CEP192: variants seen among roughly 807,000 people sequenced by gnomAD.
CEP192 encodes the protein centrosomal protein 192, also known as centrosomal protein of 192 kDa.
A neutral mutation model predicts 271.8 loss-of-function variants in CEP192; 151 were observed. That is an observed-to-expected ratio of 0.56 (90% CI 0.49 to 0.64). The LOEUF is 0.64. Among genes scored for constraint, CEP192 ranks in the 30% least tolerant of loss-of-function variants. The probability of loss-of-function intolerance (pLI) is 0.00; values close to 1 mark genes in which losing one functional copy is unlikely to be tolerated. For synonymous variants in CEP192, 995 were observed against 1,076.5 expected, an observed-to-expected ratio of 0.92 and a Z score of 1.48; for missense variants, 2,910 against 3,020.5, an observed-to-expected ratio of 0.96 and a Z score of 0.86.
rs1217428302 is a variant in CEP192 at position 13,056,268 on chromosome 18, T to C, written c.3678T>C (p.Thr1226=). ...AGACCACCTCTGAAAACCAGTGTAC[T>C]CCTATTCCCAGCAGCACAGTTCACA... ...SHQTTSENQC[T]PIPSSTVHSS... The change falls in exon 19 of 45, where the codon ACT becomes ACC. Residue 1226 remains threonine (T), a synonymous_variant. Transcript: ENST00000506447. The C allele has an allele frequency of 6.2e-7, 1 of 1,613,904 alleles. No homozygotes were observed. Among genetic ancestry groups the C allele is most frequent in the Non-Finnish European group, 8.5e-7 (1 of 1,179,838 alleles).
At chr18:13,092,608 T>C (rs1289866254) in intron 34 of CEP192, 81 bp downstream of exon 34, 6 of 962,322 alleles carry the variant, frequency 6.2e-6, no homozygotes, top group Non-Finnish European at 9.3e-6. Flanking sequence ...TTCCTGTACT[T>C]CACTATTATT....
chr18:13,104,359 G>A (rs1284277962), intron 39 of CEP192, among the ~76,000 whole-genome samples: 1 of 152,170 alleles, frequency 6.6e-6, no homozygotes, highest in East Asian at 1.9e-4. Flanking sequence ...CCTGAATTCA[G>A]TGGGTGTGTC....
rs2033645078 is a variant in CEP192, at chr18:13,001,545, C to A, written c.253C>A (p.Pro85Thr). The change falls in exon 3 of 45, where the codon CCA becomes ACA. Residue 85 changes from proline to threonine, a missense_variant. Coordinates refer to ENST00000506447, the MANE Select transcript of CEP192 (RefSeq NM_032142.4). ...SSPGSQSDAE[P>T]RERLQLSFQD... ...TCCCGGAAGCCAGAGTGATGCTGAA[C>A]CAAGAGAGAGGTTACAGCTTAGCTT... 6.4e-7 allele frequency: 1 copy of A among 1,550,500 alleles called. No individual in the cohort carries two copies. The highest frequency in any genetic ancestry group is 8.7e-7 in the Non-Finnish European group (1 of 1,146,634).
chr18:13,106,460 A>G (rs1408224877), intron 40 of CEP192, among the ~76,000 whole-genome samples: 2 of 128,274 alleles, frequency 1.6e-5, no homozygotes, highest in Non-Finnish European at 3.5e-5. Flanking sequence ...CACACCCCAC[A>G]GAACTACCAC....
At chr18:13,110,435 T>A (rs2040157988) in intron 40 of CEP192, among the ~76,000 whole-genome samples, 1 of 152,062 alleles carries the variant, frequency 6.6e-6, no homozygotes, top group Admixed American at 6.5e-5. Flanking sequence ...CAATTGATTT[T>A]TTTTTTTTTT....
Position 13,105,056 on chromosome 18 carries a change from C to A in CEP192, c.7024C>A (p.Leu2342Met). The change falls in exon 40 of 45, where the codon CTG becomes ATG. Residue 2342 changes from leucine to methionine, a missense_variant. Leu to Met is a conservative substitution (Grantham distance 15, BLOSUM62 2). Transcript: ENST00000506447. ...AFRCSPISGL[L>M]ESHGIQKVSI... ...CAGATGTTCTCCTATTTCTGGTCTG[C>A]TGGAAAGCCATGGGATCCAAAAAGT... 6.2e-7 allele frequency: 1 copy of A among 1,613,712 alleles called. No individual in the cohort carries two copies. Among genetic ancestry groups the A allele is most frequent in the Non-Finnish European group, 8.5e-7 (1 of 1,179,598 alleles).
intron 4 of CEP192, among the ~76,000 whole-genome samples, chr18:13,009,018 T>G (rs945935769): frequency 4.0e-5 from 6 of 148,672 alleles, no homozygotes; most frequent in African/African-American, 7.5e-5. Flanking sequence ...CTTTTTGTTT[T>G]TTTTTTTTTT....
rs769038340 is a variant in CEP192 at position 13,069,874 on chromosome 18, T to G, written c.5174+18T>G. ...GAGGAAAGGTAATATAAAAATGTTA[T>G]AATGGACCGGGCACAGTGGCTCATG... On this transcript the variant is annotated intron_variant, in intron 27 of 44. Coordinates refer to ENST00000506447, the MANE Select transcript of CEP192 (RefSeq NM_032142.4). 1.4e-6 allele frequency: 2 copies of G among 1,436,812 alleles called. No individual in the cohort carries two copies. Among genetic ancestry groups the G allele is most frequent in the South Asian group, 2.3e-5 (2 of 87,058 alleles). 89.0% of individuals were successfully genotyped at this position (1,436,812 alleles called of 1,614,324 possible).
At chr18:13,056,921 C>G (rs142603597) in intron 19 of CEP192, among the ~76,000 whole-genome samples, 5 of 152,286 alleles carry the variant, frequency 3.3e-5, no homozygotes, top group African/African-American at 1.2e-4. Context: ...GCTCTGTCTT[C>G]CTTATCTCTC....
intron 40 of CEP192, among the ~76,000 whole-genome samples, chr18:13,109,778 A>G (rs1005981922): frequency 6.6e-6 from 1 of 152,208 alleles, no homozygotes; most frequent in East Asian, 1.9e-4. Context: ...GGAAAAAATA[A>G]TAATAATAGA....
intron 13 of CEP192, 31 bp from the exon 14 acceptor site, chr18:13,040,799 A>G: frequency 6.5e-7 from 1 of 1,535,784 alleles, no homozygotes; most frequent in Non-Finnish European, 8.8e-7. Flanking sequence ...TTGAAAATCA[A>G]AGAAATAATT....
At chr18:13,027,024 G>A (rs1390140901) in intron 9 of CEP192, among the ~76,000 whole-genome samples, 1 of 152,084 alleles carries the variant, frequency 6.6e-6, no homozygotes, top group Non-Finnish European at 1.5e-5. Flanking sequence ...TTGTGGTAAG[G>A]TGTTGGGGAG....
In CEP192 at chr18:13,099,524, AC is replaced by A; in HGVS notation, c.6607del (p.Gln2203SerfsTer9). ...GTCCTAATTCCTCCTTATCCACAAA[AC>A]AGTCAATGTTCCCGTGGAGTGGTTT... is the stretch of plus-strand genomic sequence containing the variant. The part of the protein sequence containing the change: ...VSPNSSLSTK[Q>X]SMFPWSGLIY... On this transcript the variant is annotated frameshift_variant, in exon 37 of 45. Transcript: ENST00000506447. LOFTEE classifies it high-confidence loss of function. The A allele has an allele frequency of 6.2e-7, 1 of 1,604,684 alleles. No homozygotes were observed. Among genetic ancestry groups the A allele is most frequent in the Non-Finnish European group, 8.5e-7 (1 of 1,175,896 alleles).
Position 13,096,233 on chromosome 18 carries a change from G to T in CEP192, c.6483G>T (p.Arg2161Ser), listed in dbSNP as rs2039392266. 3 of 1,614,068 alleles carry T rather than the reference G, an allele frequency of 1.9e-6. No individual in the cohort carries two copies. The highest frequency in any genetic ancestry group is 2.5e-6 in the Non-Finnish European group (3 of 1,180,018). ...TCCAGATTGTGAATAACTCTGTGAG[G>T]TTACTGAGATTTGAGCTGTGCTGGC... ...GRFQIVNNSVRLLRFELCWPA... is the reference protein window; with the variant it reads ...GRFQIVNNSVSLLRFELCWPA... The change falls in exon 36 of 45, where the codon AGG becomes AGT. Residue 2161 changes from arginine (R) to serine (S), a missense_variant. Transcript: ENST00000506447.
chr18:13,122,194 C>T (rs901536979), intron 44 of CEP192, among the ~76,000 whole-genome samples: 5 of 152,112 alleles, frequency 3.3e-5, no homozygotes, highest in Non-Finnish European at 7.4e-5. Flanking sequence ...GAGGCGGAGG[C>T]GGGTGAATCA....
chr18:13,093,556 T>C (rs538485100), intron 34 of CEP192, among the ~76,000 whole-genome samples: 15 of 152,200 alleles, frequency 9.9e-5, no homozygotes, highest in Admixed American at 1.3e-4. Flanking sequence ...AGGTGAAGCC[T>C]GGAGAAGTCT....
chr18:13,012,244 A>G (rs1386340656), intron 4 of CEP192, among the ~76,000 whole-genome samples: 2 of 152,232 alleles, frequency 1.3e-5, no homozygotes, highest in Non-Finnish European at 2.9e-5. Flanking sequence ...TGAACATACT[A>G]AAAGCCACTG....
intron 3 of CEP192, among the ~76,000 whole-genome samples, chr18:13,003,266 T>G (rs2033761843): frequency 6.6e-6 from 1 of 151,826 alleles, no homozygotes; most frequent in Non-Finnish European, 1.5e-5. Context: ...CTGGCCAACA[T>G]GGTGAAATCC....
At position 13,124,657 on chromosome 18, in the gene CEP192, G is replaced by A. The variant is rs572117097; in HGVS notation, c.7501G>A (p.Val2501Met). ...LRAQHYINMP[V>M]QFKPKSAGKF... ...AGCCCAGCATTACATCAACATGCCC[G>A]TGCAGTTCAAACCGAAGTCCGCAGG... Residue 2501 changes from valine (V) to methionine (M), a missense_variant, in exon 45 of 45, where the codon GTG (valine) becomes ATG (methionine). Transcript: ENST00000506447. 8.1e-6 allele frequency: 13 copies of A among 1,613,780 alleles called. No homozygotes were observed. The highest frequency in any genetic ancestry group is 4.5e-5 in the East Asian group (2 of 44,872).
Sources: allele counts gnomAD v4.1 joint callset (sites outside exome capture counted in the v4.1 genomes callset), GRCh38; gene constraint gnomAD v4.1.1; transcripts MANE v1.5; gene names NCBI Gene and HGNC (gene_info 2026-07-23, HGNC 2026-07-21).